The following BLTP1 variants were observed in gnomAD, a reference collection of about 807,000 sequenced individuals.
BLTP1 encodes the protein bridge-like lipid transfer protein family member 1.
chr4:122,243,744 T>C, the BLTP1 span: 2 of 1,286,802 alleles, frequency 1.6e-6, no homozygotes, highest in Non-Finnish European at 1.0e-6. Flanking sequence ...CAAGTCCAAT[T>C]CCATAAAATT....
chr4:122,350,386 G>T, the BLTP1 span: 1 of 985,066 alleles, frequency 1.0e-6, no homozygotes, highest in Non-Finnish European at 1.2e-6. Flanking sequence ...CAGAATATCT[G>T]AATTTGGATT....
chr4:122,165,393 G>C, the BLTP1 span, among the ~76,000 whole-genome samples: 1 of 151,006 alleles, frequency 6.6e-6, no homozygotes, highest in Admixed American at 6.7e-5. Context: ...CCCTACAAAG[G>C]ACATGAACTC....
At chr4:122,318,734 G>A in the BLTP1 span, among the ~76,000 whole-genome samples, 2 of 152,180 alleles carry the variant, frequency 1.3e-5, no homozygotes, top group Admixed American at 1.3e-4. Flanking sequence ...TGCAGGTTTA[G>A]TCGGTCCCAT....
At chr4:122,329,388 C>G in the BLTP1 span, among the ~76,000 whole-genome samples, 1 of 151,484 alleles carries the variant, frequency 6.6e-6, no homozygotes, top group Non-Finnish European at 1.5e-5. Context: ...TGTTTTCTTC[C>G]TGGACATTTT....
At chr4:122,239,634 C>A in the BLTP1 span, 1 of 1,614,118 alleles carries the variant, frequency 6.2e-7, no homozygotes. Context: ...TTCCACCCGT[C>A]TTGGAAGTAC....
At chr4:122,347,646 G>C in the BLTP1 span, 2 of 1,613,808 alleles carry the variant, frequency 1.2e-6, no homozygotes, top group Non-Finnish European at 1.7e-6. Flanking sequence ...TCACCCACAT[G>C]CCTCAGTCAC....
chr4:122,189,852 T>G, the BLTP1 span: 2 of 1,271,348 alleles, frequency 1.6e-6, no homozygotes, highest in Admixed American at 3.6e-5. Context: ...GGAAAGATGT[T>G]TTTCTTTCTT....
the BLTP1 span, chr4:122,244,772 TTTG>T: frequency 3.0e-5 from 14 of 473,572 alleles, no homozygotes; most frequent in Admixed American, 5.1e-4. Flanking sequence ...TCTTCAGAAG[TTTG>T]TTAAAGAAAA....
the BLTP1 span, chr4:122,219,142 G>A: frequency 1.0e-6 from 1 of 984,786 alleles, no homozygotes; most frequent in Non-Finnish European, 1.2e-6. Context: ...TGCATTTTTT[G>A]CTACTGAATA....
At chr4:122,338,875 T>C in the BLTP1 span, among the ~76,000 whole-genome samples, 1 of 152,192 alleles carries the variant, frequency 6.6e-6, no homozygotes, top group East Asian at 1.9e-4. Context: ...TTAAAAATGA[T>C]AGCATTTTGT....
chr4:122,198,495 A>C, the BLTP1 span: 1 of 937,850 alleles, frequency 1.1e-6, no homozygotes, highest in East Asian at 1.2e-4. Context: ...GATGATACAC[A>C]TAGGAAATAG....
chr4:122,217,948 G>A, the BLTP1 span, among the ~76,000 whole-genome samples: 2 of 152,030 alleles, frequency 1.3e-5, no homozygotes, highest in Non-Finnish European at 2.9e-5. Context: ...TAGGAGGGTT[G>A]CATATTTCCA....
chr4:122,284,582 G>A, the BLTP1 span, among the ~76,000 whole-genome samples: 1 of 151,614 alleles, frequency 6.6e-6, no homozygotes, highest in Non-Finnish European at 1.5e-5. Flanking sequence ...ATTTATGTAA[G>A]TATGTGTATA....
the BLTP1 span, among the ~76,000 whole-genome samples, chr4:122,340,441 A>G: frequency 6.6e-6 from 1 of 152,158 alleles, no homozygotes. Flanking sequence ...GAGTCATCTT[A>G]GATTCAAATC....
At chr4:122,271,571 C>A in the BLTP1 span, 1 of 1,613,558 alleles carries the variant, frequency 6.2e-7, no homozygotes, top group Non-Finnish European at 8.5e-7. Flanking sequence ...CATGACTATT[C>A]ATATGGATGA....
the BLTP1 span, among the ~76,000 whole-genome samples, chr4:122,308,853 C>T: frequency 6.6e-6 from 1 of 151,970 alleles, no homozygotes; most frequent in Non-Finnish European, 1.5e-5. Context: ...GGATTCTGTT[C>T]GGTAAGACAG....
At chr4:122,270,683 A>G in the BLTP1 span, among the ~76,000 whole-genome samples, 1 of 152,066 alleles carries the variant, frequency 6.6e-6, no homozygotes, top group Non-Finnish European at 1.5e-5. Flanking sequence ...TAATTGATCT[A>G]TACTTAACTC....
the BLTP1 span, chr4:122,340,657 A>G: frequency 5.4e-6 from 5 of 927,172 alleles, no homozygotes; most frequent in East Asian, 1.2e-4. Flanking sequence ...TTGGAAAACA[A>G]AAAGGCTGAT....
At chr4:122,334,664 A>G in the BLTP1 span, 6 of 986,782 alleles carry the variant, frequency 6.1e-6, no homozygotes, top group Middle Eastern at 3.2e-4. Context: ...ACATTTGTCA[A>G]TAATGACTCT....
Sources: allele counts gnomAD v4.1 joint callset (sites outside exome capture counted in the v4.1 genomes callset), GRCh38; gene constraint gnomAD v4.1.1; transcripts MANE v1.5; gene names NCBI Gene and HGNC (gene_info 2026-07-23, HGNC 2026-07-21).